KCNH7: variants seen among roughly 807,000 people sequenced by gnomAD.
KCNH7 encodes potassium voltage-gated channel subfamily H member 7, also known as voltage-gated inwardly rectifying potassium channel KCNH7.
A neutral mutation model predicts 120.8 loss-of-function variants in KCNH7; 49 were observed. The ratio of observed to expected loss-of-function variants is 0.41; its 90% CI spans 0.32 to 0.51. The LOEUF is 0.51. Among genes scored for constraint, KCNH7 ranks in the 20% least tolerant of loss-of-function variants. The pLI is 0.38. For missense variants in KCNH7, 1,097 were observed against 1,446.6 expected (o/e 0.76, Z 3.92); for synonymous variants, 547 against 516.1 (o/e 1.06, Z -0.81).
chr2:162,565,777 A>G (rs554258331), intron 2 of KCNH7, among the ~76,000 whole-genome samples: 4 of 152,186 alleles, frequency 2.6e-5, no homozygotes, highest in African/African-American at 9.6e-5. Flanking sequence ...AATTTTCCTG[A>G]TATATTTTGA....
intron 2 of KCNH7, among the ~76,000 whole-genome samples, chr2:162,644,343 T>C (rs1052938336): frequency 1.3e-5 from 2 of 152,000 alleles, no homozygotes; most frequent in Non-Finnish European, 2.9e-5. Context: ...CCACGTAAAA[T>C]AGTTAAAAGT....
intron 2 of KCNH7, among the ~76,000 whole-genome samples, chr2:162,689,418 C>T (rs1480715875): frequency 6.6e-6 from 1 of 152,012 alleles, no homozygotes; most frequent in Non-Finnish European, 1.5e-5. Context: ...GCCCAAAGTG[C>T]TGGGATTACA....
intron 2 of KCNH7, among the ~76,000 whole-genome samples, chr2:162,585,947 G>A (rs1055371336): frequency 1.3e-5 from 2 of 151,912 alleles, no homozygotes; most frequent in African/African-American, 2.4e-5. Flanking sequence ...ACCTTAAAGC[G>A]TTTATCAAAC....
chr2:162,482,360 C>T (rs564298815), intron 6 of KCNH7, among the ~76,000 whole-genome samples: 1 of 152,140 alleles, frequency 6.6e-6, no homozygotes, highest in African/African-American at 2.4e-5. Context: ...AGTAAGAATA[C>T]AGTGATAGGG....
intron 2 of KCNH7, among the ~76,000 whole-genome samples, chr2:162,647,827 G>A (rs886691344): frequency 3.9e-5 from 6 of 152,040 alleles, no homozygotes; most frequent in African/African-American, 1.4e-4. Context: ...TCCCTTTGTA[G>A]TTTGTGATCC....
intron 2 of KCNH7, among the ~76,000 whole-genome samples, chr2:162,669,236 A>T (rs1685251931): frequency 6.6e-6 from 1 of 152,202 alleles, no homozygotes; most frequent in South Asian, 2.1e-4. Flanking sequence ...TTAAACTCAA[A>T]AGTCAAAATG....
At chr2:162,608,299 T>C (rs886715376) in intron 2 of KCNH7, among the ~76,000 whole-genome samples, 1 of 152,174 alleles carries the variant, frequency 6.6e-6, no homozygotes, top group Admixed American at 6.5e-5. Flanking sequence ...TTCAGTACTT[T>C]TAACTCCAAA....
chr2:162,817,801 A>G (rs1684966915), intron 2 of KCNH7, among the ~76,000 whole-genome samples: 1 of 152,024 alleles, frequency 6.6e-6, no homozygotes, highest in African/African-American at 2.4e-5. Context: ...TTCCAGTTTC[A>G]TATGCTTATT....
At chr2:162,607,753 TAA>T (rs1682830372) in intron 2 of KCNH7, among the ~76,000 whole-genome samples, 1 of 152,104 alleles carries the variant, frequency 6.6e-6, no homozygotes, top group Non-Finnish European at 1.5e-5. Context: ...AAGCACATTA[TAA>T]GTTATACAAA....
At chr2:162,512,730 A>G in intron 4 of KCNH7, 56 bp from the exon 5 acceptor site, 2 of 1,323,232 alleles carry the variant, frequency 1.5e-6, no homozygotes, top group Non-Finnish European at 1.1e-6. Flanking sequence ...GACTAAAATT[A>G]TATTATATAC....
At chr2:162,785,568 T>A (rs1194093485) in intron 2 of KCNH7, among the ~76,000 whole-genome samples, 1 of 151,946 alleles carries the variant, frequency 6.6e-6, no homozygotes, top group Non-Finnish European at 1.5e-5. Flanking sequence ...TTTTTTGCAG[T>A]CACTCAAATC....
intron 8 of KCNH7, among the ~76,000 whole-genome samples, chr2:162,433,309 C>T (rs192157977): frequency 1.6e-4 from 24 of 152,102 alleles, no homozygotes; most frequent in African/African-American, 5.8e-4. Flanking sequence ...GAAACAGAGC[C>T]TGAATAGTCA....
intron 2 of KCNH7, among the ~76,000 whole-genome samples, chr2:162,561,614 G>C (rs574686503): frequency 6.6e-6 from 1 of 152,214 alleles, no homozygotes; most frequent in East Asian, 1.9e-4. Flanking sequence ...ATCTATTGTG[G>C]TTTTGATTTG....
At chr2:162,767,192 G>A (rs1682850740) in intron 2 of KCNH7, among the ~76,000 whole-genome samples, 2 of 151,836 alleles carry the variant, frequency 1.3e-5, no homozygotes, top group African/African-American at 2.4e-5. Context: ...ACATACTCTT[G>A]TCATTCCTAG....
chr2:162,738,545 A>C (rs1688002392), intron 2 of KCNH7, among the ~76,000 whole-genome samples: 1 of 152,210 alleles, frequency 6.6e-6, no homozygotes, highest in African/African-American at 2.4e-5. Context: ...AATGTTGCCT[A>C]ATCTGACCTA....
At chr2:162,445,892 A>G (rs552443558) in intron 7 of KCNH7, 126 bp downstream of exon 7, 25 of 739,186 alleles carry the variant, frequency 3.4e-5, no homozygotes, top group Admixed American at 2.7e-4. Flanking sequence ...AGTATCCCCA[A>G]TTGAAAATGA....
At chr2:162,597,184 A>G (rs1694404706) in intron 2 of KCNH7, among the ~76,000 whole-genome samples, 1 of 152,060 alleles carries the variant, frequency 6.6e-6, no homozygotes, top group Non-Finnish European at 1.5e-5. Context: ...CAGCAGTCCC[A>G]CTTTTGGGTG....
intron 2 of KCNH7, among the ~76,000 whole-genome samples, chr2:162,753,882 T>C (rs1049882001): frequency 3.3e-5 from 5 of 152,064 alleles, no homozygotes; most frequent in African/African-American, 1.2e-4. Flanking sequence ...AAGGACCTAT[T>C]TGCAGATTAG....
At chr2:162,379,720 C>T (rs1450526020) in intron 14 of KCNH7, 133 bp downstream of exon 14, 2 of 842,920 alleles carry the variant, frequency 2.4e-6, no homozygotes, top group African/African-American at 3.4e-5. Context: ...AACTTCTAGT[C>T]TTATTTTAAA....
Sources: gnomAD v4.1 joint callset for allele counts (sites outside exome capture counted in the v4.1 genomes callset) on GRCh38, gnomAD v4.1.1 for gene constraint, MANE v1.5 for transcripts, NCBI Gene and HGNC (gene_info 2026-07-23, HGNC 2026-07-21) for gene names.